The following CHGB variants were observed in gnomAD, a reference collection of about 807,000 sequenced individuals.
CHGB encodes the protein chromogranin B, also known as secretogranin-1.
CHGB carries 46 observed loss-of-function variants against 69.9 expected under a neutral mutation model. The observed-to-expected ratio is 0.66, with a 90% CI of 0.52 to 0.84. CHGB has a LOEUF of 0.84. Ranked by LOEUF, CHGB falls within the 40% of genes least tolerant of loss-of-function variation. The pLI, the probability that CHGB is intolerant of heterozygous loss-of-function variation, is 0.00. For synonymous variants in CHGB, 312 were observed against 298.2 expected (o/e 1.05, Z -0.48); for missense variants, 796 against 822.2 (o/e 0.97, Z 0.39).
At chr20:5,918,192 G>C (rs991985561) in intron 3 of CHGB, among the ~76,000 whole-genome samples, 2 of 144,524 alleles carry the variant, frequency 1.4e-5, no homozygotes, top group African/African-American at 5.1e-5. Context: ...CACCAGCCTG[G>C]CCAATATGGT....
In CHGB at chr20:5,913,608, T is replaced by TTTTTCTTTTC. The variant is rs143954799; in HGVS notation, c.49+1941_49+1950dup. Among the ~76,000 whole-genome samples the TTTTTCTTTTC allele has an allele frequency of 7.5e-4, 105 of 140,026 alleles. 1 individual carries two copies. Among genetic ancestry groups the TTTTTCTTTTC allele is most frequent in the African/African-American group, 2.7e-3 (98 of 36,966 alleles). 91.9% of individuals were successfully genotyped at this position (140,026 alleles called of 152,430 possible). On this transcript the variant is annotated intron_variant, in intron 1 of 4. Transcript: ENST00000378961. ...AGGTAAAATGGTTTCTTTATCTTTC[T>TTTTTCTTTTC]TTTTCTTTTCTTTTCTTTTCTTTTT...
intron 1 of CHGB, among the ~76,000 whole-genome samples, chr20:5,912,213 A>G (rs1313169127): frequency 1.3e-5 from 2 of 152,188 alleles, no homozygotes; most frequent in Non-Finnish European, 2.9e-5. Flanking sequence ...TTTTCTTAAC[A>G]TGTCCATATA....
chr20:5,912,912 A>G (rs2088454474), intron 1 of CHGB, among the ~76,000 whole-genome samples: 1 of 152,204 alleles, frequency 6.6e-6, no homozygotes, highest in African/African-American at 2.4e-5. Flanking sequence ...ATTGTAAGCT[A>G]TATACATTCA....
At position 5,923,020 on chromosome 20, in the gene CHGB, G is replaced by C; in HGVS notation, c.876G>C (p.Arg292Ser). 6.2e-7 allele frequency: 1 copy of C among 1,612,612 alleles called. No homozygotes were observed. Among genetic ancestry groups the C allele is most frequent in the South Asian group, 1.1e-5 (1 of 90,922 alleles). ...ACCACGGGAGGAGCAGGCCCGACAGGTCCTCTCAAGGAGGGAGTCTTCCCT... is the reference window on the plus strand; with the variant it reads ...ACCACGGGAGGAGCAGGCCCGACAGCTCCTCTCAAGGAGGGAGTCTTCCCT... ...RHHHGRSRPDRSSQGGSLPSE... is the reference protein window; with the variant it reads ...RHHHGRSRPDSSSQGGSLPSE... Residue 292 changes from arginine (R) to serine (S), a missense_variant, in exon 4 of 5, where the codon AGG (arginine) becomes AGC (serine). Physicochemically the swap from Arg to Ser is moderately radical, Grantham distance 110. This residue lies in a region of CHGB where 518 missense variants were observed against 506.3 expected (regional missense o/e 1.02). Transcript: ENST00000378961.
Position 5,923,504 on chromosome 20 carries a change from G to A in CHGB, c.1360G>A (p.Asp454Asn). ...GHHRVQENQM[D>N]KARRHPQGAW... ...CCACCGTGTCCAAGAAAACCAGATG[G>A]ACAAGGCAAGGAGGCATCCACAAGG... is the stretch of plus-strand genomic sequence containing the variant. Residue 454 changes from aspartate (D) to asparagine (N), a missense_variant, in exon 4 of 5, where the codon GAC (aspartate) becomes AAC (asparagine). This residue lies in a region of CHGB where 274 missense variants were observed against 298.9 expected (regional missense o/e 0.92). Coordinates refer to ENST00000378961, the MANE Select transcript of CHGB (RefSeq NM_001819.3). 6.2e-7 allele frequency: 1 copy of A among 1,614,148 alleles called. No individual in the cohort carries two copies.
chr20:5,922,659 A>G lies in CHGB; in HGVS notation c.515A>G (p.Asn172Ser). 6.2e-7 allele frequency: 1 copy of G among 1,614,018 alleles called. No homozygotes were observed. Among genetic ancestry groups the G allele is most frequent in the Non-Finnish European group, 8.5e-7 (1 of 1,179,918 alleles). ...REDEEEEEGE[N>S]YQKGERGEDS... The stretch of plus-strand genomic sequence containing the variant: ...GATGAGGAGGAGGAGGAGGGAGAGA[A>G]CTATCAAAAAGGGGAGCGAGGGGAA... Residue 172 changes from asparagine to serine, a missense_variant, in exon 4 of 5, where the codon AAC becomes AGC. Asn to Ser is a conservative substitution (Grantham distance 46). Around this residue, in one of 3 missense-constraint regions of CHGB, gnomAD observed 518 missense variants for 506.3 expected, o/e 1.02. Coordinates refer to ENST00000378961, the MANE Select transcript of CHGB (RefSeq NM_001819.3).
At chr20:5,924,184 G>A (rs2088536580) in intron 4 of CHGB, 84 bp downstream of exon 4, 1 of 1,449,254 alleles carries the variant, frequency 6.9e-7, no homozygotes, top group Non-Finnish European at 9.1e-7. Flanking sequence ...TATTCACGGG[G>A]AGAAATTGGT....
rs777139392 is a variant in CHGB, at chr20:5,923,547, A to G, written c.1403A>G (p.Asp468Gly). The G allele has an allele frequency of 6.2e-7, 1 of 1,614,190 alleles. No homozygotes were observed. The highest frequency in any genetic ancestry group is 2.2e-5 in the East Asian group (1 of 44,880). The change falls in exon 4 of 5, where the codon GAC (aspartate) becomes GGC (glycine). Residue 468 changes from aspartate to glycine, a missense_variant. Around this residue, in one of 3 missense-constraint regions of CHGB, gnomAD observed 274 missense variants for 298.9 expected, o/e 0.92. Coordinates refer to ENST00000378961, the MANE Select transcript of CHGB (RefSeq NM_001819.3). ...CCACAAGGTGCGTGGAAAGAGCTGG[A>G]CAGAAATTATCTCAACTACGGTGAG... ...RHPQGAWKEL[D>G]RNYLNYGEEG...
Position 5,911,587 on chromosome 20 carries a change from G to T in CHGB, c.-47G>T. The T allele has an allele frequency of 6.6e-7, 1 of 1,516,208 alleles. No individual in the cohort carries two copies. The highest frequency in any genetic ancestry group is 8.8e-7 in the Non-Finnish European group (1 of 1,137,106). 93.9% of individuals were successfully genotyped at this position (1,516,208 alleles called of 1,614,324 possible). A position where few individuals can be genotyped will look rare whatever the true frequency, so the allele number is the denominator to read the frequency against. On this transcript the variant is annotated 5_prime_UTR_variant, in exon 1 of 5. Coordinates refer to ENST00000378961, the MANE Select transcript of CHGB (RefSeq NM_001819.3). ...CTTCCTCCTGCGCCTCGCTTCTCCG[G>T]TCCAGCCGCCATCTTCCTTTCCGCA... is the stretch of plus-strand genomic sequence containing the variant.
intron 3 of CHGB, among the ~76,000 whole-genome samples, chr20:5,918,784 C>G (rs1318324482): frequency 7.9e-6 from 1 of 127,054 alleles, no homozygotes; most frequent in Non-Finnish European, 1.6e-5. Flanking sequence ...GGCATTCCAG[C>G]CTCAGTGACA....
Position 5,922,326 on chromosome 20 carries a change from T to G in CHGB, c.191-9T>G. ...CTGAAATTATACCTACTCTTCATTTTCATTATAGGTAGAAAAGACGTCAAA... is the reference window on the plus strand; with the variant it reads ...CTGAAATTATACCTACTCTTCATTTGCATTATAGGTAGAAAAGACGTCAAA... On this transcript the variant is annotated splice_polypyrimidine_tract_variant and intron_variant, in intron 3 of 4. Coordinates refer to ENST00000378961, the MANE Select transcript of CHGB (RefSeq NM_001819.3). The G allele has an allele frequency of 6.6e-7, 1 of 1,518,578 alleles. No homozygotes were observed. The highest frequency in any genetic ancestry group is 1.4e-5 in the African/African-American group (1 of 71,804). The allele number at this position is 1,518,578 out of a possible 1,614,324, so 94.1% of individuals were successfully genotyped here.
Position 5,916,993 on chromosome 20 carries a change from CTACTTT to C in CHGB, c.190+75_190+80del. 8 of 1,311,194 alleles carry C rather than the reference CTACTTT, an allele frequency of 6.1e-6. No homozygotes were observed. In the South Asian group the frequency reaches 9.4e-5, roughly 15 times the overall value. 81.2% of individuals were successfully genotyped at this position (1,311,194 alleles called of 1,614,324 possible). A position where few individuals can be genotyped will look rare whatever the true frequency, so the allele number is the denominator to read the frequency against. On this transcript the variant is annotated intron_variant, in intron 3 of 4. Coordinates refer to ENST00000378961, the MANE Select transcript of CHGB (RefSeq NM_001819.3). The stretch of plus-strand genomic sequence containing the variant: ...GTTCCTACTCCCTCCACATCACCTT[CTACTTT>C]ATCTACAAATGACCTGGGGGCATAA...
In CHGB at chr20:5,923,022, C is replaced by T; in HGVS notation, c.878C>T (p.Ser293Phe). Residue 293 changes from serine to phenylalanine, a missense_variant, in exon 4 of 5, where the codon TCC (serine) becomes TTC (phenylalanine). Coordinates refer to ENST00000378961, the MANE Select transcript of CHGB (RefSeq NM_001819.3). ...CACGGGAGGAGCAGGCCCGACAGGT[C>T]CTCTCAAGGAGGGAGTCTTCCCTCT... ...HHHGRSRPDR[S>F]SQGGSLPSEE... The T allele has an allele frequency of 4.3e-6, 7 of 1,612,696 alleles. No individual in the cohort carries two copies. Among genetic ancestry groups the T allele is most frequent in the Non-Finnish European group, 5.9e-6 (7 of 1,179,366 alleles).
intron 1 of CHGB, among the ~76,000 whole-genome samples, chr20:5,912,323 C>T (rs1443756191): frequency 6.6e-6 from 1 of 152,036 alleles, no homozygotes; most frequent in Non-Finnish European, 1.5e-5. Context: ...TCTAATTTCA[C>T]ACTCAAAGGA....
chr20:5,911,648 G>T lies in CHGB; in HGVS notation c.15G>T (p.Leu5=), dbSNP rs2088447183. The T allele has an allele frequency of 2.0e-6, 3 of 1,510,224 alleles. No individual in the cohort carries two copies. Among genetic ancestry groups the T allele is most frequent in the East Asian group, 2.8e-5 (1 of 35,564 alleles). The allele number at this position is 1,510,224 out of a possible 1,614,324, so 93.6% of individuals were successfully genotyped here. A position where few individuals can be genotyped will look rare whatever the true frequency, so the allele number is the denominator to read the frequency against. Residue 5 remains leucine, a synonymous_variant, in exon 1 of 5, where the codon CTG becomes CTT. Transcript: ENST00000378961. MQPT[L]LLSLLGAVGL... ...CGAGCGGGGCCATGCAGCCAACGCT[G>T]CTTCTCAGCCTCCTGGGAGCCGTGG... is the stretch of plus-strand genomic sequence containing the variant.
chr20:5,913,335 C>A (rs1456744970), intron 1 of CHGB, among the ~76,000 whole-genome samples: 1 of 152,016 alleles, frequency 6.6e-6, no homozygotes, highest in Non-Finnish European at 1.5e-5. Flanking sequence ...AGAAAGATAC[C>A]ACAAACCCAT....
chr20:5,922,767 T>TA lies in CHGB; in HGVS notation c.630dup (p.Glu211ArgfsTer21). 9.3e-6 allele frequency: 15 copies of TA among 1,613,876 alleles called. No individual in the cohort carries two copies. Among genetic ancestry groups the TA allele is most frequent in the African/African-American group, 1.3e-5 (1 of 74,940 alleles). On this transcript the variant is annotated frameshift_variant, in exon 4 of 5. Coordinates refer to ENST00000378961, the MANE Select transcript of CHGB (RefSeq NM_001819.3). LOFTEE classifies it high-confidence loss of function. ...AATGAAAGAAAGCAGGCTTCAGCTA[T>TA]AAAAAAAGAGGAGTTAGTGGCCAGA...
rs774644338 is a variant in CHGB, at chr20:5,923,333, A to G, written c.1189A>G (p.Met397Val). The G allele has an allele frequency of 1.9e-6, 3 of 1,613,648 alleles. No individual in the cohort carries two copies. The highest frequency in any genetic ancestry group is 1.3e-5 in the African/African-American group (1 of 74,896). The change falls in exon 4 of 5, where the codon ATG becomes GTG. Residue 397 changes from methionine to valine, a missense_variant. Around this residue, in one of 3 missense-constraint regions of CHGB, gnomAD observed 518 missense variants for 506.3 expected, o/e 1.02. Transcript: ENST00000378961. ...RNYPSLELDK[M>V]AHGYGEESEE... ...CTACCCCAGCTTAGAGCTTGATAAG[A>G]TGGCACATGGATATGGTGAAGAAAG...
Position 5,922,865 on chromosome 20 carries a change from G to T in CHGB, c.721G>T (p.Glu241Ter). The change falls in exon 4 of 5, where the codon GAG (glutamate) becomes TAG (stop). Residue 241 changes from glutamate to a stop codon, truncating the protein, a stop_gained. Transcript: ENST00000378961. LOFTEE classifies it high-confidence loss of function. The stretch of plus-strand genomic sequence containing the variant: ...AGAGAAGAGTAGCCAGGAGAGTGGA[G>T]AGGAGACAGGGAGCCAGGAGAATCA... ...SREKSSQESG[E>*]ETGSQENHPQ... The T allele has an allele frequency of 6.2e-7, 1 of 1,614,012 alleles. No homozygotes were observed. Among genetic ancestry groups the T allele is most frequent in the Non-Finnish European group, 8.5e-7 (1 of 1,179,952 alleles).
Sources: allele counts gnomAD v4.1 joint callset (sites outside exome capture counted in the v4.1 genomes callset), GRCh38; gene constraint gnomAD v4.1.1; regional missense constraint gnomAD v4.1.1; transcripts MANE v1.5; gene names NCBI Gene and HGNC (gene_info 2026-07-23, HGNC 2026-07-21).